Variants in SAMD4B observed in about 807,000 individuals in gnomAD.
SAMD4B encodes the protein protein Smaug homolog 2.
SAMD4B carries 5 observed loss-of-function variants against 74.5 expected under a neutral mutation model. The observed-to-expected ratio is 0.07, with a 90% CI of 0.04 to 0.14. The LOEUF is 0.14. Ranked by LOEUF, SAMD4B falls within the 10% of genes least tolerant of loss-of-function variation. The probability of loss-of-function intolerance (pLI) is 1.00; values close to 1 mark genes in which losing one functional copy is unlikely to be tolerated. For missense variants in SAMD4B, 608 were observed against 921.8 expected (o/e 0.66, Z 4.41); for synonymous variants, 373 against 374.9 (o/e 1.00, Z 0.06).
At chr19:39,389,637 C>G (rs769275149), downstream of SAMD4B, 1 of 1,614,248 alleles carries the variant, frequency 6.2e-7, no homozygotes, top group South Asian at 1.1e-5. This position sits in a 1 kb window ranked among gnomAD's most constrained non-coding sequence, Gnocchi z 5.3. Context: ...TCTCCCCACA[C>G]ACCATTGGGG....
At chr19:39,371,146 AG>A in intron 4 of SAMD4B, among the ~76,000 whole-genome samples, 1 of 152,280 alleles carries the variant, frequency 6.6e-6, no homozygotes, top group East Asian at 1.9e-4. Flanking sequence ...GGTGAGGGAG[AG>A]GGTTCATGAT....
At position 39,379,990 on chromosome 19, in the gene SAMD4B, C is replaced by T; in HGVS notation, c.1555C>T (p.Arg519Trp). 1 of 1,613,948 alleles carries T rather than the reference C, an allele frequency of 6.2e-7. No homozygotes were observed. ...GGCTTTCACGGAGACGCAGAAGAAA[C>T]GGCTGCTATCCTGGAAACAGCAAGT... ...HEAFTETQKK[R>W]LLSWKQQVLK... The change falls in exon 10 of 14, where the codon CGG becomes TGG. Residue 519 changes from arginine to tryptophan, a missense_variant. Physicochemically the swap from Arg to Trp is moderately radical, Grantham distance 101 (BLOSUM62 -3). Around this residue, in one of 9 missense-constraint regions of SAMD4B, gnomAD observed 27 missense variants for 48.6 expected, o/e 0.56. Coordinates refer to ENST00000610417, the MANE Select transcript of SAMD4B (RefSeq NM_001384574.2).
chr19:39,367,990 G>A (rs1228184802), intron 3 of SAMD4B, among the ~76,000 whole-genome samples: 1 of 151,614 alleles, frequency 6.6e-6, no homozygotes, highest in Non-Finnish European at 1.5e-5. Flanking sequence ...TGAGGCGGGT[G>A]GATCACGAGG....
chr19:39,361,605 G>A (rs1168944845), intron 3 of SAMD4B, among the ~76,000 whole-genome samples: 1 of 142,862 alleles, frequency 7.0e-6, no homozygotes, highest in Non-Finnish European at 1.5e-5. Flanking sequence ...AACAGAGTGA[G>A]ACTCCATCTA....
chr19:39,344,565 G>A (rs2075573679), intron 1 of SAMD4B, among the ~76,000 whole-genome samples: 1 of 152,026 alleles, frequency 6.6e-6, no homozygotes, highest in Admixed American at 6.5e-5. Flanking sequence ...ACATTATTTA[G>A]GACCCTATCA....
downstream of SAMD4B, chr19:39,388,921 T>C: frequency 6.2e-7 from 1 of 1,613,122 alleles, no homozygotes; most frequent in South Asian, 1.1e-5. Flanking sequence ...AGGCTGTCCC[T>C]TTCTACCTCC....
Position 39,356,927 on chromosome 19 carries a change from G to A in SAMD4B, c.34G>A (p.Gly12Ser), listed in dbSNP as rs747958615. 2 of 1,613,330 alleles carry A rather than the reference G, an allele frequency of 1.2e-6. No homozygotes were observed. The highest frequency in any genetic ancestry group is 3.3e-5 in the Admixed American group (2 of 59,976). Residue 12 changes from glycine to serine, a missense_variant, in exon 3 of 14, where the codon GGC (glycine) becomes AGC (serine). Coordinates refer to ENST00000610417, the MANE Select transcript of SAMD4B (RefSeq NM_001384574.2). ...CCGAGACCAGGTGGGCATCCTCGCT[G>A]GCTGGTTCAAAGGCTGGAATGAGTG... is the stretch of plus-strand genomic sequence containing the variant. ...MFRDQVGILA[G>S]WFKGWNECEQ... is the part of the protein sequence containing the mutation.
chr19:39,386,431 C>T (rs755449248), downstream of SAMD4B: 1 of 1,614,066 alleles, frequency 6.2e-7, no homozygotes, highest in Non-Finnish European at 8.5e-7. The surrounding 1 kb of genome is among the most constrained non-coding windows in gnomAD (Gnocchi z 6.1). Context: ...GAGATGAAAC[C>T]CACTTTTCCA....
Position 39,369,984 on chromosome 19 carries a change from G to A in SAMD4B, c.526G>A (p.Gly176Arg), listed in dbSNP as rs1228268997. ...TTCACGTCAAGGCTCAGATGAGTGG[G>A]GGGGCCCTGCAGAGCTAGGCCCTGG... is the stretch of plus-strand genomic sequence containing the variant. ...YHSRQGSDEW[G>R]GPAELGPGEA... The change falls in exon 4 of 14, where the codon GGG (glycine) becomes AGG (arginine). Residue 176 changes from glycine to arginine, a missense_variant. Coordinates refer to ENST00000610417, the MANE Select transcript of SAMD4B (RefSeq NM_001384574.2). 1 of 1,613,470 alleles carries A rather than the reference G, an allele frequency of 6.2e-7. No individual in the cohort carries two copies. Among genetic ancestry groups the A allele is most frequent in the South Asian group, 1.1e-5 (1 of 90,954 alleles).
chr19:39,388,870 G>C (rs370482806), downstream of SAMD4B: 18 of 1,613,112 alleles, frequency 1.1e-5, no homozygotes, highest in Admixed American at 8.3e-5. Flanking sequence ...CCACATCTAG[G>C]GAGATGGAGG....
intron 1 of SAMD4B, among the ~76,000 whole-genome samples, chr19:39,347,850 C>T (rs1414124295): frequency 6.6e-6 from 1 of 152,108 alleles, no homozygotes; most frequent in East Asian, 1.9e-4. Flanking sequence ...TGCATGGAGG[C>T]ACTATTCTAG....
At chr19:39,389,842 C>T, downstream of SAMD4B, 1 of 1,581,148 alleles carries the variant, frequency 6.3e-7, no homozygotes, top group East Asian at 2.2e-5. This position sits in a 1 kb window ranked among gnomAD's most constrained non-coding sequence, Gnocchi z 5.3. Flanking sequence ...CGGAGCTTCT[C>T]TGGGGAGGAA....
In SAMD4B at chr19:39,342,589, C is replaced by T; in HGVS notation, c.-267+13C>T. 6.6e-6 allele frequency: 1 copy of T among 151,526 alleles called. No homozygotes were observed. The highest frequency in any genetic ancestry group is 1.4e-5 in the Non-Finnish European group (1 of 69,168). The allele number at this position is 151,526 out of a possible 1,614,324, so 9.4% of individuals were successfully genotyped here. A position where few individuals can be genotyped will look rare whatever the true frequency, so the allele number is the denominator to read the frequency against. ...GAAGGCCGAGGCGGTGAGTCTCGGG[C>T]CGGGCCGGCGCGGGGCGGCGGCGAG... On this transcript the variant is annotated intron_variant, in intron 1 of 13. Transcript: ENST00000610417.
chr19:39,344,372 G>A (rs535003224), intron 1 of SAMD4B, among the ~76,000 whole-genome samples: 13 of 152,212 alleles, frequency 8.5e-5, no homozygotes, highest in Middle Eastern at 3.4e-3. Context: ...TCTCTGAAGA[G>A]TTTTTCCTAA....
chr19:39,344,161 C>T (rs2075541994), intron 1 of SAMD4B, among the ~76,000 whole-genome samples: 1 of 150,862 alleles, frequency 6.6e-6, no homozygotes, highest in Admixed American at 6.6e-5. Flanking sequence ...CTTGCTCACA[C>T]AGGTCCCCTA....
At chr19:39,359,333 G>C (rs1484307219) in intron 3 of SAMD4B, among the ~76,000 whole-genome samples, 5 of 152,180 alleles carry the variant, frequency 3.3e-5, no homozygotes, top group African/African-American at 1.2e-4. Flanking sequence ...TTTTGCTTTT[G>C]TTTTCAGAAC....
intron 3 of SAMD4B, among the ~76,000 whole-genome samples, chr19:39,360,487 A>G (rs745736061): frequency 2.0e-5 from 3 of 152,254 alleles, no homozygotes; most frequent in Admixed American, 6.5e-5. Flanking sequence ...GGTGTGTTCC[A>G]GAGTCAGCAG....
Position 39,380,718 on chromosome 19 carries a change from C to T in SAMD4B, c.1781C>T (p.Ser594Leu), listed in dbSNP as rs777562979. The T allele has an allele frequency of 7.5e-5, 121 of 1,609,860 alleles. No individual in the cohort carries two copies. Among genetic ancestry groups the T allele is most frequent in the Non-Finnish European group, 9.9e-5 (117 of 1,178,212 alleles). ...PPGRMGLLSP[S>L]GIGGVSPRHA... ...GGCCGGATGGGCCTCCTGAGCCCCTCGGGCATTGGGGGTGTCTCCCCTCGA... is the reference window on the plus strand; with the variant it reads ...GGCCGGATGGGCCTCCTGAGCCCCTTGGGCATTGGGGGTGTCTCCCCTCGA... The change falls in exon 11 of 14, where the codon TCG becomes TTG. Residue 594 changes from serine to leucine, a missense_variant. Ser to Leu is a moderately radical substitution (Grantham distance 145, BLOSUM62 -2). Transcript: ENST00000610417.
At chr19:39,389,019 G>A (rs1167723896), downstream of SAMD4B, 1 of 1,613,964 alleles carries the variant, frequency 6.2e-7, no homozygotes, top group African/African-American at 1.3e-5. This position sits in a 1 kb window ranked among gnomAD's most constrained non-coding sequence, Gnocchi z 5.3. Flanking sequence ...GTGAGATCTG[G>A]TGGAACAAAA....
Sources: allele counts gnomAD v4.1 joint callset (sites outside exome capture counted in the v4.1 genomes callset), GRCh38; gene constraint gnomAD v4.1.1; regional missense constraint gnomAD v4.1.1; non-coding constraint Gnocchi (gnomAD v3.1); transcripts MANE v1.5; gene names NCBI Gene and HGNC (gene_info 2026-07-23, HGNC 2026-07-21).